The following TRPM3 variants were observed in gnomAD, a reference collection of about 807,000 sequenced individuals.
TRPM3 encodes the protein transient receptor potential cation channel subfamily M member 3.
TRPM3 carries 77 observed loss-of-function variants against 181.2 expected under a neutral mutation model. That is an observed-to-expected ratio of 0.42 (90% CI 0.35 to 0.51). The LOEUF (loss-of-function observed/expected upper bound fraction) is 0.51, where lower values mean the gene tolerates loss of function less well. TRPM3 is among the 20% of genes least tolerant of loss of function. TRPM3 has a pLI of 0.01. For synonymous variants in TRPM3, 745 were observed against 796.4 expected, an observed-to-expected ratio of 0.94 and a Z score of 1.09; for missense variants, 1,759 against 2,196.7, an observed-to-expected ratio of 0.80 and a Z score of 3.98.
intron 7 of TRPM3, chr9:70,775,633 G>A (rs975384298): frequency 1.3e-5 from 2 of 152,180 alleles, no homozygotes; most frequent in Non-Finnish European, 2.9e-5. Context: ...GTGAGAGCCA[G>A]GCAGAAAGGA....
intron 11 of TRPM3, among the ~76,000 whole-genome samples, chr9:70,637,248 A>G (rs1383531382): frequency 6.6e-6 from 1 of 152,204 alleles, no homozygotes; most frequent in Non-Finnish European, 1.5e-5. Context: ...GTATCACTTT[A>G]TCTGATGGGG....
At chr9:71,072,066 G>A (rs906914592) in intron 1 of TRPM3, among the ~76,000 whole-genome samples, 2 of 152,174 alleles carry the variant, frequency 1.3e-5, no homozygotes, top group African/African-American at 4.8e-5. Flanking sequence ...AGACCTGTAA[G>A]AGATATTTTC....
intron 1 of TRPM3, among the ~76,000 whole-genome samples, chr9:71,127,879 T>C (rs2074141632): frequency 6.6e-6 from 1 of 152,202 alleles, no homozygotes; most frequent in Non-Finnish European, 1.5e-5. Flanking sequence ...GGGATAATAA[T>C]ATTACCTTTG....
chr9:71,390,737 TAAC>T (rs2093042758), intron 1 of TRPM3, among the ~76,000 whole-genome samples: 1 of 151,990 alleles, frequency 6.6e-6, no homozygotes, highest in African/African-American at 2.4e-5. Flanking sequence ...GGTTCTGTAG[TAAC>T]AACAACAAAT....
intron 1 of TRPM3, among the ~76,000 whole-genome samples, chr9:71,127,279 A>C (rs924048184): frequency 2.0e-4 from 30 of 151,456 alleles, no homozygotes; most frequent in Non-Finnish European, 3.7e-4. Context: ...GATTTTAAGT[A>C]ATAGCTGACC....
At chr9:71,016,722 T>C (rs1285824202) in intron 1 of TRPM3, among the ~76,000 whole-genome samples, 2 of 152,218 alleles carry the variant, frequency 1.3e-5, no homozygotes, top group Admixed American at 6.5e-5. Context: ...GCTATGAAGA[T>C]TATGATACAA....
chr9:71,036,058 T>C (rs1257566674), intron 1 of TRPM3, among the ~76,000 whole-genome samples: 1 of 148,674 alleles, frequency 6.7e-6, no homozygotes, highest in Admixed American at 6.8e-5. Flanking sequence ...TCATCAGCCC[T>C]AACTTTATGA....
chr9:70,787,909 C>T (rs2084250879), intron 6 of TRPM3, among the ~76,000 whole-genome samples: 1 of 150,722 alleles, frequency 6.6e-6, no homozygotes, highest in Non-Finnish European at 1.5e-5. Context: ...TGAACACACT[C>T]ATGTAACCTC....
intron 21 of TRPM3, among the ~76,000 whole-genome samples, chr9:70,596,489 T>C (rs982472859): frequency 6.6e-6 from 1 of 152,132 alleles, no homozygotes; most frequent in Admixed American, 6.5e-5. Flanking sequence ...CCCAGCACTA[T>C]GGGAGGCTGA....
intron 8 of TRPM3, among the ~76,000 whole-genome samples, chr9:70,694,872 C>G (rs2069807894): frequency 6.6e-6 from 1 of 152,232 alleles, no homozygotes; most frequent in South Asian, 2.1e-4. Flanking sequence ...GCACCATGAT[C>G]TCTATTCTAC....
intron 25 of TRPM3, among the ~76,000 whole-genome samples, chr9:70,547,988 G>C (rs943543190): frequency 1.1e-4 from 17 of 152,174 alleles, no homozygotes; most frequent in Non-Finnish European, 2.2e-4. Flanking sequence ...TAGTTCCTCA[G>C]GGAGGCAAAG....
chr9:70,797,270 A>T (rs1242587925), intron 6 of TRPM3, among the ~76,000 whole-genome samples: 1 of 152,212 alleles, frequency 6.6e-6, no homozygotes, highest in East Asian at 1.9e-4. Flanking sequence ...TTAAATTCTC[A>T]TGAAATCAGG....
chr9:70,800,826 G>A (rs773478852), intron 6 of TRPM3, among the ~76,000 whole-genome samples: 26 of 151,946 alleles, frequency 1.7e-4, no homozygotes, highest in East Asian at 1.9e-4. Flanking sequence ...TTGAGAAGTC[G>A]AAAGTTACAC....
intron 1 of TRPM3, among the ~76,000 whole-genome samples, chr9:71,423,806 A>C (rs2093818428): frequency 6.6e-6 from 1 of 152,254 alleles, no homozygotes; most frequent in South Asian, 2.1e-4. Context: ...GAAGGTCAAA[A>C]GTTCCTCCCC....
At chr9:70,782,245 G>A (rs2130815248) in intron 7 of TRPM3, among the ~76,000 whole-genome samples, 1 of 146,732 alleles carries the variant, frequency 6.8e-6, no homozygotes, top group Admixed American at 6.9e-5. Flanking sequence ...CGCTCTTGTT[G>A]CCTAGGCTGG....
intron 1 of TRPM3, among the ~76,000 whole-genome samples, chr9:71,059,044 C>A (rs1215887707): frequency 1.1e-4 from 4 of 35,828 alleles, no homozygotes; most frequent in Admixed American, 3.6e-4. Context: ...TTTTTTTTAC[C>A]AGTCACTATT....
At chr9:71,159,733 T>C (rs2134692302) in intron 1 of TRPM3, among the ~76,000 whole-genome samples, 1 of 152,258 alleles carries the variant, frequency 6.6e-6, no homozygotes, top group Middle Eastern at 3.4e-3. Flanking sequence ...GAAATATTGC[T>C]TCCTTACTAT....
Position 71,442,801 on chromosome 9 carries a change from G to A in TRPM3, c.183+3852C>T, listed in dbSNP as rs532798416. Among the ~76,000 whole-genome samples, 26 of 152,250 alleles carry A rather than the reference G, an allele frequency of 1.7e-4. 1 individual carries two copies. The highest frequency in any genetic ancestry group is 6.2e-4 in the South Asian group (3 of 4,824). ...GGTGAGCAGCTGACATTTGTAATGC[G>A]AGACAGCACTTGCTGAATCACCTTT... On this transcript the variant is annotated intron_variant, in intron 1 of 24. Transcript: ENST00000357533.
intron 1 of TRPM3, among the ~76,000 whole-genome samples, chr9:71,423,295 G>A (rs981488560): frequency 6.6e-6 from 1 of 152,000 alleles, no homozygotes; most frequent in Non-Finnish European, 1.5e-5. Flanking sequence ...TTAAATAATT[G>A]TTTTTTAAAG....
Sources: allele counts gnomAD v4.1 joint callset (sites outside exome capture counted in the v4.1 genomes callset), GRCh38; gene constraint gnomAD v4.1.1; transcripts MANE v1.5; gene names NCBI Gene and HGNC (gene_info 2026-07-23, HGNC 2026-07-21).